The following MEIS3 variants were observed in gnomAD, a reference collection of about 807,000 sequenced individuals.
MEIS3 encodes homeobox protein Meis3.
In MEIS3, 38 loss-of-function variants were observed where a neutral mutation model predicts 51.4. The observed-to-expected ratio is 0.74, with a 90% confidence interval of 0.57 to 0.97. The LOEUF is 0.97. Ranked by LOEUF, MEIS3 falls within the 50% of genes least tolerant of loss-of-function variation. The probability of loss-of-function intolerance (pLI) is 0.00; values close to 1 mark genes in which losing one functional copy is unlikely to be tolerated. For synonymous variants in MEIS3, 198 were observed against 201.8 expected, an observed-to-expected ratio of 0.98 and a Z score of 0.16; for missense variants, 456 against 502.6, an observed-to-expected ratio of 0.91 and a Z score of 0.89.
intron 12 of MEIS3, among the ~76,000 whole-genome samples, chr19:47,405,669 C>T (rs1417256514): frequency 6.6e-6 from 1 of 151,816 alleles, no homozygotes; most frequent in South Asian, 2.1e-4. Context: ...CCTGCCTCAG[C>T]CTCCAGAGTA....
Position 47,410,873 on chromosome 19 carries a change from A to G in MEIS3, c.598-1326T>C, listed in dbSNP as rs1971100002. ...GGGCTCAAACAAGATGACCTTACAC[A>G]GGTCTATGGCATCTTATCTAAAATC... On this transcript the variant is annotated intron_variant, in intron 6 of 12. Transcript: ENST00000558555. Among the ~76,000 whole-genome samples the G allele has an allele frequency of 2.6e-5, 4 of 152,230 alleles. No homozygotes were observed. In the South Asian group the frequency reaches 8.3e-4, roughly 32 times the overall value.
upstream of MEIS3, among the ~76,000 whole-genome samples, chr19:47,420,055 A>T (rs1448341881): frequency 1.3e-5 from 2 of 152,092 alleles, no homozygotes; most frequent in African/African-American, 4.8e-5. Flanking sequence ...GTCTTGGCTG[A>T]GTCTGGGGGT....
chr19:47,417,529 T>C, intron 1 of MEIS3, 179 bp from the exon 2 acceptor site: 2 of 774,758 alleles, frequency 2.6e-6, no homozygotes, highest in Non-Finnish European at 4.5e-6. Flanking sequence ...CCCCTGGAGC[T>C]GCCTCGGTGG....
At chr19:47,420,940 A>ACACTCTCTCT (rs1187725467), upstream of MEIS3, among the ~76,000 whole-genome samples, 399 of 90,882 alleles carry the variant, frequency 4.4e-3, 1 homozygote, top group Middle Eastern at 0.014. Context: ...ACACACACAC[A>ACACTCTCTCT]CTCTCTCTCT....
Position 47,414,850 on chromosome 19 carries a change from T to C in MEIS3, c.464A>G (p.Asp155Gly). The C allele has an allele frequency of 6.7e-7, 1 of 1,488,048 alleles. No individual in the cohort carries two copies. The highest frequency in any genetic ancestry group is 1.1e-5 in the South Asian group (1 of 89,134). 92.2% of individuals were successfully genotyped at this position (1,488,048 alleles called of 1,614,324 possible). A position where few individuals can be genotyped will look rare whatever the true frequency, so the allele number is the denominator to read the frequency against. ...LELEKVHDLC[D>G]NFCHRYITCL... ...GGTGATGTAGCGGTGACAGAAGTTG[T>C]CGCACAGGTCGTGGACCTGGGGGGG... Residue 155 changes from aspartate (D) to glycine (G), a missense_variant, in exon 6 of 13, where the codon GAC becomes GGC. Asp to Gly is a moderately conservative substitution (Grantham distance 94). Coordinates refer to ENST00000558555, the MANE Select transcript of MEIS3 (RefSeq NM_001301059.2).
chr19:47,411,537 CTTTTCTTT>C (rs1568424249), intron 6 of MEIS3, among the ~76,000 whole-genome samples: 2 of 86,912 alleles, frequency 2.3e-5, no homozygotes, highest in Non-Finnish European at 5.6e-5. Context: ...TTATCTTTTT[CTTTTCTTT>C]TTTTTTTTTT....
intron 8 of MEIS3, 41 bp from the exon 9 acceptor site, chr19:47,407,469 C>T: frequency 2.5e-6 from 4 of 1,613,712 alleles, no homozygotes; most frequent in Non-Finnish European, 3.4e-6. Context: ...GCCTGGCCGG[C>T]CGCAGTCTGA....
chr19:47,407,158 C>T lies in MEIS3; in HGVS notation c.936-21G>A, dbSNP rs753264993. On this transcript the variant is annotated intron_variant, in intron 9 of 12. Coordinates refer to ENST00000558555, the MANE Select transcript of MEIS3 (RefSeq NM_001301059.2). ...TGAACCTGGGAGGCGGTCATGGAAA[C>T]GGAGGGGAATGAAAAGAGGGAGTGG... 18 of 1,603,696 alleles carry T rather than the reference C, an allele frequency of 1.1e-5. No individual in the cohort carries two copies. The South Asian group carries it at 1.7e-4, about 15-fold the overall frequency.
Position 47,406,263 on chromosome 19 carries a change from T to TGGA in MEIS3, c.*17+194_*17+196dup, listed in dbSNP as rs1209487744. The TGGA allele has an allele frequency of 5.8e-6, 3 of 513,178 alleles. No homozygotes were observed. The East Asian group carries it at 9.7e-5, about 17-fold the overall frequency. The allele number at this position is 513,178 out of a possible 1,614,324, so 31.8% of individuals were successfully genotyped here. On this transcript the variant is annotated intron_variant, in intron 12 of 12. Coordinates refer to ENST00000558555, the MANE Select transcript of MEIS3 (RefSeq NM_001301059.2). The stretch of plus-strand genomic sequence containing the variant: ...GTGAGTGGGTAGATGGATGGATACA[T>TGGA]GGAGGAGGAGGATGGATGGATGGAT...
intron 12 of MEIS3, among the ~76,000 whole-genome samples, chr19:47,404,738 C>G (rs543864403): frequency 6.6e-6 from 1 of 152,296 alleles, no homozygotes; most frequent in African/African-American, 2.4e-5. Flanking sequence ...CTCCCCCCAT[C>G]CCAGGTCCAA....
chr19:47,407,035 C>G, intron 10 of MEIS3, 44 bp downstream of exon 10: 1 of 1,591,560 alleles, frequency 6.3e-7, no homozygotes, highest in Non-Finnish European at 8.6e-7. Context: ...CTTTGACGCC[C>G]TCCTAAGAAC....
At chr19:47,413,678 G>T (rs192111167) in intron 6 of MEIS3, among the ~76,000 whole-genome samples, 223 of 152,186 alleles carry the variant, frequency 1.5e-3, no homozygotes, top group African/African-American at 5.2e-3. Flanking sequence ...ACTGTAGTGA[G>T]GCTGCGTCTG....
chr19:47,414,940 A>T, intron 5 of MEIS3, 74 bp from the exon 6 acceptor site: 1 of 968,168 alleles, frequency 1.0e-6, no homozygotes, highest in Non-Finnish European at 1.5e-6. Context: ...CGGGGGCGGC[A>T]TTCTGCTTCA....
chr19:47,416,949 G>A lies in MEIS3; in HGVS notation c.200C>T (p.Pro67Leu), dbSNP rs1193411468. ...TTTCTCAAAGACCAGGGCCAAGAGGGGGAAGAGCGGGTGTCTGGGGAGGCA... is the reference window on the plus strand; with the variant it reads ...TTTCTCAAAGACCAGGGCCAAGAGGAGGAAGAGCGGGTGTCTGGGGAGGCA... ...KDEIYGHPLF[P>L]LLALVFEKCE... Residue 67 changes from proline (P) to leucine (L), a missense_variant, in exon 3 of 13, where the codon CCC (proline) becomes CTC (leucine). Physicochemically the swap from Pro to Leu is moderately conservative, Grantham distance 98. Transcript: ENST00000558555. 8.8e-6 allele frequency: 14 copies of A among 1,589,696 alleles called. No individual in the cohort carries two copies. Among genetic ancestry groups the A allele is most frequent in the Non-Finnish European group, 1.1e-5 (13 of 1,167,918 alleles).
intron 1 of MEIS3, chr19:47,418,393 C>G (rs1467759894): frequency 6.5e-6 from 1 of 152,722 alleles, no homozygotes; most frequent in African/African-American, 2.4e-5. Context: ...AACTGCTCCC[C>G]GCTGCTCAAG....
At chr19:47,414,382 CGT>C (rs1971287166) in intron 6 of MEIS3, among the ~76,000 whole-genome samples, 3 of 151,856 alleles carry the variant, frequency 2.0e-5, no homozygotes, top group Admixed American at 2.0e-4. Flanking sequence ...GGCTGGGGGG[CGT>C]GTGTGAGTAC....
In MEIS3 at chr19:47,419,342, C is replaced by A. The variant is rs1331568442; in HGVS notation, c.-261G>T. ...GCCGCCGGGGCGGGGGCAGCAGGCG[C>A]AGGCGGGGCGCCCGAGGCCCCCTCC... On this transcript the variant is annotated 5_prime_UTR_variant, in exon 1 of 13. Coordinates refer to ENST00000558555, the MANE Select transcript of MEIS3 (RefSeq NM_001301059.2). 2 of 165,722 alleles carry A rather than the reference C, an allele frequency of 1.2e-5. No homozygotes were observed. Among genetic ancestry groups the A allele is most frequent in the East Asian group, 1.8e-4 (1 of 5,482 alleles). The allele number at this position is 165,722 out of a possible 1,614,324, so 10.3% of individuals were successfully genotyped here. A position where few individuals can be genotyped will look rare whatever the true frequency, so the allele number is the denominator to read the frequency against.
upstream of MEIS3, among the ~76,000 whole-genome samples, chr19:47,420,940 A>ACACACACACACACTCTCTCT (rs1187725467): frequency 2.7e-4 from 25 of 90,976 alleles, no homozygotes; most frequent in Non-Finnish European, 4.6e-4. Flanking sequence ...ACACACACAC[A>ACACACACACACACTCTCTCT]CTCTCTCTCT....
At chr19:47,415,263 C>A (rs2122546307) in intron 4 of MEIS3, among the ~76,000 whole-genome samples, 162 bp from the exon 5 acceptor site, 1 of 152,040 alleles carries the variant, frequency 6.6e-6, no homozygotes, top group African/African-American at 2.4e-5. Context: ...GAGACAAAGA[C>A]ACCAGGTGCA....
Sources: gnomAD v4.1 joint callset for allele counts (sites outside exome capture counted in the v4.1 genomes callset) on GRCh38, gnomAD v4.1.1 for gene constraint, MANE v1.5 for transcripts, NCBI Gene and HGNC (gene_info 2026-07-23, HGNC 2026-07-21) for gene names.